Variants in TMCO5A observed in about 807,000 individuals in gnomAD.
TMCO5A encodes the protein transmembrane and coiled-coil domains 5A.
TMCO5A carries 34 observed loss-of-function variants against 42.3 expected under a neutral mutation model. The ratio of observed to expected loss-of-function variants is 0.80; its 90% CI spans 0.61 to 1.07. The LOEUF (loss-of-function observed/expected upper bound fraction) is 1.07, where lower values mean the gene tolerates loss of function less well. Ranked by LOEUF, TMCO5A falls within the 50% of genes least tolerant of loss-of-function variation. The pLI is 0.00. For synonymous variants in TMCO5A, 131 were observed against 115.6 expected (o/e 1.13, Z -0.86); for missense variants, 357 against 327.9 (o/e 1.09, Z -0.69).
At chr15:37,944,359 A>T (rs567108819) in intron 10 of TMCO5A, 15 of 152,070 alleles carry the variant, frequency 9.9e-5, no homozygotes, top group Non-Finnish European at 2.1e-4. Flanking sequence ...CTCTCCCCAC[A>T]GCTCATCAAA....
At chr15:38,021,500 G>A in the TMCO5A span, among the ~76,000 whole-genome samples, 1 of 151,954 alleles carries the variant, frequency 6.6e-6, no homozygotes, top group Non-Finnish European at 1.5e-5. Flanking sequence ...CCCATTGCTT[G>A]TATTCATAAT....
the TMCO5A span, among the ~76,000 whole-genome samples, chr15:38,022,216 C>T: frequency 1.3e-5 from 2 of 152,068 alleles, no homozygotes; most frequent in African/African-American, 2.4e-5. Flanking sequence ...AACCTGCACA[C>T]GAATTTATTT....
chr15:37,985,081 A>T, the TMCO5A span, among the ~76,000 whole-genome samples: 1 of 151,872 alleles, frequency 6.6e-6, no homozygotes, highest in Non-Finnish European at 1.5e-5. Flanking sequence ...AGAACAGAAC[A>T]TAGAATGGGG....
At chr15:37,988,229 T>G in the TMCO5A span, among the ~76,000 whole-genome samples, 1 of 152,000 alleles carries the variant, frequency 6.6e-6, no homozygotes, top group Non-Finnish European at 1.5e-5. Flanking sequence ...ATTTATTATT[T>G]TAACAATTTT....
At chr15:37,987,822 T>C in the TMCO5A span, among the ~76,000 whole-genome samples, 1 of 151,956 alleles carries the variant, frequency 6.6e-6, no homozygotes, top group Non-Finnish European at 1.5e-5. Context: ...TCTTTTTAAA[T>C]ATTATTTTAG....
chr15:37,987,969 A>C, the TMCO5A span, among the ~76,000 whole-genome samples: 1 of 151,980 alleles, frequency 6.6e-6, no homozygotes, highest in African/African-American at 2.4e-5. Flanking sequence ...ACATCTTAGC[A>C]ATTTTAAGTC....
chr15:38,002,461 T>C, the TMCO5A span, among the ~76,000 whole-genome samples: 1 of 152,150 alleles, frequency 6.6e-6, no homozygotes, highest in East Asian at 1.9e-4. Flanking sequence ...CTCTTTCCTC[T>C]TTAAGGCCAA....
chr15:37,979,361 G>T, the TMCO5A span, among the ~76,000 whole-genome samples: 5 of 151,972 alleles, frequency 3.3e-5, no homozygotes, highest in Non-Finnish European at 5.9e-5. Context: ...AGTTCTGTCC[G>T]AGGGCAGTGC....
the TMCO5A span, among the ~76,000 whole-genome samples, chr15:37,982,784 AAC>A: frequency 1.4e-5 from 2 of 146,478 alleles, no homozygotes; most frequent in African/African-American, 2.5e-5. Context: ...TATATTATAT[AAC>A]AGACATATAT....
chr15:38,002,641 A>G, the TMCO5A span, among the ~76,000 whole-genome samples: 2 of 151,690 alleles, frequency 1.3e-5, no homozygotes, highest in Non-Finnish European at 2.9e-5. Flanking sequence ...AGAGGCTCTG[A>G]TGTGTTCTTT....
the TMCO5A span, among the ~76,000 whole-genome samples, chr15:37,978,476 G>T: frequency 6.6e-6 from 1 of 152,168 alleles, no homozygotes; most frequent in Non-Finnish European, 1.5e-5. Flanking sequence ...ACTAGGGGGT[G>T]GGGGCTCACA....
At chr15:37,967,202 A>G (rs1450640177) in exon 12 of TMCO5A, 1 of 152,890 alleles carries the variant, frequency 6.5e-6, no homozygotes, top group African/African-American at 2.4e-5. Flanking sequence ...AGTAGCATAT[A>G]TATCACACCT....
the TMCO5A span, among the ~76,000 whole-genome samples, chr15:38,017,284 G>T: frequency 1.3e-5 from 2 of 152,114 alleles, no homozygotes; most frequent in Non-Finnish European, 2.9e-5. Flanking sequence ...AGAAGGAGGG[G>T]TGATGGAGGA....
intron 10 of TMCO5A, 120 bp downstream of exon 10, chr15:37,943,518 G>C (rs1035882936): frequency 1.1e-5 from 10 of 884,022 alleles, no homozygotes; most frequent in Non-Finnish European, 1.7e-5. Flanking sequence ...TCCAAGAACA[G>C]TACCAGCTAT....
chr15:37,965,184 C>T (rs368227081), intron 11 of TMCO5A, among the ~76,000 whole-genome samples: 12 of 152,186 alleles, frequency 7.9e-5, no homozygotes, highest in Non-Finnish European at 1.2e-4. Flanking sequence ...CTTCAATAAA[C>T]GGTGCTGAGA....
chr15:37,970,565 A>G (rs1159204696), downstream of TMCO5A, among the ~76,000 whole-genome samples: 1 of 152,208 alleles, frequency 6.6e-6, no homozygotes, highest in East Asian at 1.9e-4. Flanking sequence ...GTCTTAACTC[A>G]TTTCTGCATT....
chr15:38,024,699 C>A, the TMCO5A span: 1 of 152,204 alleles, frequency 6.6e-6, no homozygotes, highest in Non-Finnish European at 1.5e-5. Context: ...ATCAGAGGTG[C>A]CTGAAAAGCA....
At chr15:37,971,437 G>A (rs567913040), downstream of TMCO5A, among the ~76,000 whole-genome samples, 1 of 152,304 alleles carries the variant, frequency 6.6e-6, no homozygotes, top group South Asian at 2.1e-4. Flanking sequence ...TGTGATTGGA[G>A]GGGCTGCCAT....
In TMCO5A at chr15:37,936,937, C is replaced by T. The variant is rs772941990; in HGVS notation, c.231C>T (p.Ala77=). 6 of 1,612,458 alleles carry T rather than the reference C, an allele frequency of 3.7e-6. No homozygotes were observed. In the South Asian group the frequency reaches 4.4e-5, roughly 12 times the overall value. ...ENRTTMERER[A]LQELEEETAR... Reference sequence around the variant, plus strand: ...GCACCACGATGGAAAGGGAAAGAGCCTTGCAGGAGCTGGAGGAAGAAACAG... The same window carrying T: ...GCACCACGATGGAAAGGGAAAGAGCTTTGCAGGAGCTGGAGGAAGAAACAG... Residue 77 remains alanine (A), a synonymous_variant, in exon 4 of 12, where the codon GCC becomes GCT. Coordinates refer to ENST00000319669, the MANE Select transcript of TMCO5A (RefSeq NM_152453.4).
Sources: gnomAD v4.1 joint callset for allele counts (sites outside exome capture counted in the v4.1 genomes callset) on GRCh38, gnomAD v4.1.1 for gene constraint, MANE v1.5 for transcripts, NCBI Gene and HGNC (gene_info 2026-07-23, HGNC 2026-07-21) for gene names.